ATP8B1: variants seen among roughly 807,000 people sequenced by gnomAD.
ATP8B1 encodes ATPase phospholipid transporting 8B1, also known as phospholipid-transporting ATPase IC.
Under a neutral mutation model 149.9 loss-of-function variants are expected in ATP8B1, and 80 were observed. The ratio of observed to expected loss-of-function variants is 0.53; its 90% confidence interval spans 0.45 to 0.64. The LOEUF (loss-of-function observed/expected upper bound fraction) is 0.64. Ranked by LOEUF, ATP8B1 falls within the 30% of genes least tolerant of loss-of-function variation. ATP8B1 has a pLI of 0.00. For synonymous variants in ATP8B1, 536 were observed against 562.8 expected (o/e 0.95, Z 0.67); for missense variants, 1,247 against 1,552.6 (o/e 0.80, Z 3.31).
In ATP8B1 at chr18:57,661,797, C is replaced by G. The variant is rs190107035; in HGVS notation, c.2419-335G>C. On this transcript the variant is annotated intron_variant, in intron 21 of 27. Coordinates refer to ENST00000648908, the MANE Select transcript of ATP8B1 (RefSeq NM_001374385.1). ...TGGCACGATCTCGGCTCACTGTAAC[C>G]TCTGCCTTCCAGGTTCAAGCAATTT... Among the ~76,000 whole-genome samples the G allele has an allele frequency of 9.9e-3, 1,477 of 149,728 alleles. 7 individuals carry two copies. The highest frequency in any genetic ancestry group is 0.02 in the South Asian group (95 of 4,736).
At chr18:57,664,562 T>C (rs1910741599) in intron 20 of ATP8B1, among the ~76,000 whole-genome samples, 1 of 151,986 alleles carries the variant, frequency 6.6e-6, no homozygotes, top group Non-Finnish European at 1.5e-5. Context: ...CTGGCTATTG[T>C]TTGTTAGGAA....
At position 57,662,876 on chromosome 18, in the gene ATP8B1, C is replaced by T. The variant is rs137962782; in HGVS notation, c.2286-261G>A. Among the ~76,000 whole-genome samples, 337 of 152,270 alleles carry T rather than the reference C, an allele frequency of 2.2e-3. 10 individuals are homozygous for T. In the East Asian group the frequency reaches 0.048, roughly 22 times the overall value. On this transcript the variant is annotated intron_variant, in intron 20 of 27. Transcript: ENST00000648908. Reference sequence around the variant, plus strand: ...TCAAGTGATTCTCCTGCCTCAGCCTCCTGAGTTGCTGGGACTATAGGCACA... The same window carrying T: ...TCAAGTGATTCTCCTGCCTCAGCCTTCTGAGTTGCTGGGACTATAGGCACA...
intron 1 of ATP8B1, among the ~76,000 whole-genome samples, chr18:57,774,532 G>A (rs1211469582): frequency 1.3e-5 from 2 of 152,234 alleles, no homozygotes; most frequent in African/African-American, 2.4e-5. Context: ...GGAGGCGGAG[G>A]TTGCAGTGAG....
At chr18:57,713,219 CCT>C (rs1913803607) in intron 2 of ATP8B1, among the ~76,000 whole-genome samples, 1 of 129,746 alleles carries the variant, frequency 7.7e-6, no homozygotes, top group African/African-American at 3.0e-5. Flanking sequence ...TTCCTTCCTT[CCT>C]TCCTTCCTTC....
At chr18:57,667,579 T>C in intron 19 of ATP8B1, 1 of 204,450 alleles carries the variant, frequency 4.9e-6, no homozygotes, top group Non-Finnish European at 1.0e-5. Context: ...AAAATCCTTT[T>C]CTCCATAATA....
At chr18:57,779,919 A>T (rs891626030) in intron 1 of ATP8B1, among the ~76,000 whole-genome samples, 5 of 151,814 alleles carry the variant, frequency 3.3e-5, no homozygotes, top group Non-Finnish European at 7.4e-5. Flanking sequence ...AAAGAGAAAG[A>T]AAGAAAAAAT....
chr18:57,739,074 C>A (rs542476377), intron 1 of ATP8B1, among the ~76,000 whole-genome samples: 1 of 152,248 alleles, frequency 6.6e-6, no homozygotes, highest in Non-Finnish European at 1.5e-5. Flanking sequence ...CAGCTCACTG[C>A]AACCTCCACC....
At chr18:57,670,815 T>G (rs999734929) in intron 17 of ATP8B1, among the ~76,000 whole-genome samples, 3 of 152,116 alleles carry the variant, frequency 2.0e-5, no homozygotes, top group African/African-American at 7.2e-5. Context: ...CAAGCGATTC[T>G]CCTGCCTCAG....
Position 57,654,121 on chromosome 18 carries a change from G to T in ATP8B1, c.2932-46C>A, listed in dbSNP as rs768794281. 110 of 1,499,786 alleles carry T rather than the reference G, an allele frequency of 7.3e-5. No homozygotes were observed. The Middle Eastern group carries it at 1.0e-3, about 14-fold the overall frequency. 92.9% of individuals were successfully genotyped at this position (1,499,786 alleles called of 1,614,324 possible). A position where few individuals can be genotyped will look rare whatever the true frequency, so the allele number is the denominator to read the frequency against. ...CTCCATGTCACCAACAAAGACACAT[G>T]CCAGCCTAGTTAGCACATACTCATC... On this transcript the variant is annotated intron_variant, in intron 23 of 27. Coordinates refer to ENST00000648908, the MANE Select transcript of ATP8B1 (RefSeq NM_001374385.1).
chr18:57,749,569 C>T (rs184400316), intron 1 of ATP8B1, among the ~76,000 whole-genome samples: 3 of 152,228 alleles, frequency 2.0e-5, no homozygotes, highest in African/African-American at 4.8e-5. Flanking sequence ...AACTTACCCC[C>T]GAATTAACCT....
At chr18:57,755,403 T>C (rs2080067087) in intron 1 of ATP8B1, 1 of 152,170 alleles carries the variant, frequency 6.6e-6, no homozygotes, top group Non-Finnish European at 1.5e-5. Flanking sequence ...TGTGCTTGCT[T>C]CGGCAGCACA....
At chr18:57,761,805 C>A (rs2080160585) in intron 1 of ATP8B1, among the ~76,000 whole-genome samples, 1 of 151,518 alleles carries the variant, frequency 6.6e-6, no homozygotes, top group South Asian at 2.1e-4. Flanking sequence ...CAAAAATTAG[C>A]TGGGCATGGT....
chr18:57,745,678 G>A (rs1457728239), intron 1 of ATP8B1, among the ~76,000 whole-genome samples: 2 of 147,200 alleles, frequency 1.4e-5, no homozygotes, highest in African/African-American at 5.0e-5. Context: ...TTTTTCTGAC[G>A]CAGGGCCTTG....
At chr18:57,790,950 G>A (rs1305893966) in intron 1 of ATP8B1, among the ~76,000 whole-genome samples, 1 of 152,120 alleles carries the variant, frequency 6.6e-6, no homozygotes, top group East Asian at 1.9e-4. Context: ...TCGAGCTCCT[G>A]ACCTTAGGCA....
At chr18:57,754,050 G>C (rs756791436) in intron 1 of ATP8B1, among the ~76,000 whole-genome samples, 2 of 140,280 alleles carry the variant, frequency 1.4e-5, no homozygotes, top group Non-Finnish European at 3.1e-5. Context: ...CACTCCATTT[G>C]CATTGGACTT....
intron 1 of ATP8B1, among the ~76,000 whole-genome samples, chr18:57,781,341 T>C (rs1375242852): frequency 6.6e-6 from 1 of 152,242 alleles, no homozygotes; most frequent in Non-Finnish European, 1.5e-5. Flanking sequence ...TTTCACTCCA[T>C]CTGGAGACAG....
Position 57,680,605 on chromosome 18 carries a change from C to A in ATP8B1, c.1630+3431G>T, listed in dbSNP as rs927432124. On this transcript the variant is annotated intron_variant, in intron 15 of 27. Coordinates refer to ENST00000648908, the MANE Select transcript of ATP8B1 (RefSeq NM_001374385.1). ...GTCTCAAAAACAAAACAAAACAAAA[C>A]AAAACAAAACAAAAAAAAAACCACA... 5.4e-5 allele frequency among the ~76,000 whole-genome samples: 8 copies of A among 146,960 alleles called. No individual in the cohort carries two copies. In the East Asian group the frequency reaches 1.5e-3, roughly 27 times the overall value.
intron 1 of ATP8B1, among the ~76,000 whole-genome samples, chr18:57,733,770 C>T (rs1312368850): frequency 6.6e-6 from 1 of 150,980 alleles, no homozygotes; most frequent in African/African-American, 2.4e-5. Flanking sequence ...GAGGTCTATG[C>T]TCTATTTTTG....
In ATP8B1 at chr18:57,672,906, A is replaced by G. The variant is rs1393632793; in HGVS notation, c.1820-1326T>C. Among the ~76,000 whole-genome samples the G allele has an allele frequency of 8.0e-4, 59 of 73,654 alleles. 5 individuals carry two copies. In the East Asian group the frequency reaches 0.017, roughly 21 times the overall value. The allele number at this position is 73,654 out of a possible 152,430, so 48.3% of individuals were successfully genotyped here. A position where few individuals can be genotyped will look rare whatever the true frequency, so the allele number is the denominator to read the frequency against. The stretch of plus-strand genomic sequence containing the variant: ...AAAAAGTATATATATATATATATAT[A>G]TATATATATATATATATATATATAT... On this transcript the variant is annotated intron_variant, in intron 16 of 27. Coordinates refer to ENST00000648908, the MANE Select transcript of ATP8B1 (RefSeq NM_001374385.1).
Sources: gnomAD v4.1 joint callset for allele counts (sites outside exome capture counted in the v4.1 genomes callset) on GRCh38, gnomAD v4.1.1 for gene constraint, MANE v1.5 for transcripts, NCBI Gene and HGNC (gene_info 2026-07-23, HGNC 2026-07-21) for gene names.